The following ABCA1 variants were observed in gnomAD, a reference collection of about 807,000 sequenced individuals.
ABCA1 encodes phospholipid-transporting ATPase ABCA1.
In ABCA1, 133 loss-of-function variants were observed where a neutral mutation model predicts 262.5. The observed-to-expected ratio is 0.51, with a 90% CI of 0.44 to 0.59. ABCA1 has a LOEUF of 0.59. Among genes scored for constraint, ABCA1 ranks in the 20% least tolerant of loss-of-function variants. ABCA1 has a pLI of 0.00. For missense variants in ABCA1, 2,452 were observed against 2,777.5 expected, an observed-to-expected ratio of 0.88 and a Z score of 2.63; for synonymous variants, 1,022 against 1,043.5, an observed-to-expected ratio of 0.98 and a Z score of 0.40.
intron 39 of ABCA1, among the ~76,000 whole-genome samples, chr9:104,795,535 G>A (rs60791648): frequency 0.028 from 4,234 of 152,230 alleles, 204 homozygotes; most frequent in African/African-American, 0.097. Flanking sequence ...AGTGTGACAG[G>A]GATGGCAAGA....
At chr9:104,800,488 T>C in intron 35 of ABCA1, 22 bp downstream of exon 35, 1 of 1,603,198 alleles carries the variant, frequency 6.2e-7, no homozygotes, top group Non-Finnish European at 8.5e-7. Flanking sequence ...AAAAAGCTAC[T>C]AGAACAAAGA....
At chr9:104,907,685 T>G (rs562443446) in intron 1 of ABCA1, among the ~76,000 whole-genome samples, 2 of 152,222 alleles carry the variant, frequency 1.3e-5, no homozygotes, top group South Asian at 2.1e-4. Flanking sequence ...GCTTCCCAGG[T>G]GACTCCTGGG....
At chr9:104,786,762 TTGTTTTAC>T in intron 47 of ABCA1, 103 bp downstream of exon 47, 1 of 1,027,106 alleles carries the variant, frequency 9.7e-7, no homozygotes. Context: ...CAGGTAATAA[TTGTTTTAC>T]TCTTTGCTTT....
chr9:104,822,345 C>T (rs1832437830), intron 19 of ABCA1, 151 bp downstream of exon 19: 3 of 1,068,176 alleles, frequency 2.8e-6, no homozygotes, highest in South Asian at 1.3e-5. Flanking sequence ...GAAAGACACT[C>T]ATGATTAGAT....
chr9:104,790,259 C>T (rs1829312810), intron 44 of ABCA1, among the ~76,000 whole-genome samples: 3 of 152,074 alleles, frequency 2.0e-5, no homozygotes, highest in Admixed American at 2.0e-4. Flanking sequence ...TTTGTATGCT[C>T]TTTAGAGAGG....
chr9:104,792,827 C>G lies in ABCA1; in HGVS notation c.5716G>C (p.Gly1906Arg). ...RRERQRILDG[G>R]GQNDILEIKE... Reference sequence around the variant, plus strand: ...ATTTCTAAGATGTCATTCTGGCCTCCACCATCAAGAATTCTCTGTCTTTCC... The same window carrying G: ...ATTTCTAAGATGTCATTCTGGCCTCGACCATCAAGAATTCTCTGTCTTTCC... The change falls in exon 42 of 50, where the codon GGA becomes CGA. Residue 1906 changes from glycine (G) to arginine (R), a missense_variant. Physicochemically the swap from Gly to Arg is moderately radical, Grantham distance 125. Around this residue, in one of 4 missense-constraint regions of ABCA1, gnomAD observed 752 missense variants for 944.5 expected, o/e 0.80. Transcript: ENST00000374736. 6.2e-7 allele frequency: 1 copy of G among 1,614,140 alleles called. No individual in the cohort carries two copies. The highest frequency in any genetic ancestry group is 8.5e-7 in the Non-Finnish European group (1 of 1,180,018).
rs1554696687 is a variant in ABCA1 at position 104,785,640 on chromosome 9, C to A, written c.6402-1G>T. ...AACTATTGTATAACCATCTCCAAACCTGAAAGCAGGAAAAAATACCCAAAT... is the reference window on the plus strand; with the variant it reads ...AACTATTGTATAACCATCTCCAAACATGAAAGCAGGAAAAAATACCCAAAT... On this transcript the variant is annotated splice_acceptor_variant, in intron 48 of 49. Transcript: ENST00000374736. LOFTEE classifies it high-confidence loss of function. The A allele has an allele frequency of 1.9e-6, 3 of 1,613,892 alleles. No homozygotes were observed. The highest frequency in any genetic ancestry group is 2.5e-6 in the Non-Finnish European group (3 of 1,179,970).
chr9:104,878,175 A>G (rs1838315649), intron 5 of ABCA1, among the ~76,000 whole-genome samples: 1 of 152,188 alleles, frequency 6.6e-6, no homozygotes, highest in South Asian at 2.1e-4. Flanking sequence ...TCTGAGTTGC[A>G]GTCACCATAG....
chr9:104,828,335 T>C (rs950420636), intron 15 of ABCA1, among the ~76,000 whole-genome samples: 1 of 152,142 alleles, frequency 6.6e-6, no homozygotes, highest in Admixed American at 6.5e-5. Flanking sequence ...ATGTTTCAGC[T>C]CGATGAAGAA....
Position 104,786,304 on chromosome 9 carries a change from T to G in ABCA1, c.6395A>C (p.Lys2132Thr), listed in dbSNP as rs773185743. Residue 2132 changes from lysine (K) to threonine (T), a missense_variant, in exon 48 of 50, where the codon AAA becomes ACA. Around this residue, in one of 4 missense-constraint regions of ABCA1, gnomAD observed 752 missense variants for 944.5 expected, o/e 0.80. Transcript: ENST00000374736. The part of the protein sequence containing the change: ...FRCLGSVQHL[K>T]NRFGDGYTIV... ...AAGAAATTATCTTTATTACCTATTT[T>G]TTAGATGCTGGACACTGCCAAGGCA... The G allele has an allele frequency of 1.2e-6, 2 of 1,613,526 alleles. No homozygotes were observed. The highest frequency in any genetic ancestry group is 8.5e-7 in the Non-Finnish European group (1 of 1,179,512).
rs530364958 is a variant in ABCA1 at position 104,784,568 on chromosome 9, A to G, written c.6646-113T>C. 1.2e-4 allele frequency: 146 copies of G among 1,241,416 alleles called. 3 individuals are homozygous for G. The highest frequency in any genetic ancestry group is 1.0e-3 in the South Asian group (80 of 78,784). The allele number at this position is 1,241,416 out of a possible 1,614,324, so 76.9% of individuals were successfully genotyped here. A position where few individuals can be genotyped will look rare whatever the true frequency, so the allele number is the denominator to read the frequency against. On this transcript the variant is annotated intron_variant, in intron 49 of 49. Coordinates refer to ENST00000374736, the MANE Select transcript of ABCA1 (RefSeq NM_005502.4). Reference sequence around the variant, plus strand: ...AGGTCAAGTAGGAGCATACAGAATTACATAAATGGATTAACTAGAAAACTG... The same window carrying G: ...AGGTCAAGTAGGAGCATACAGAATTGCATAAATGGATTAACTAGAAAACTG...
At chr9:104,882,456 A>C (rs3858074) in intron 5 of ABCA1, among the ~76,000 whole-genome samples, 30,571 of 152,202 alleles carry the variant, frequency 0.2, 3,185 homozygotes, top group South Asian at 0.32. Context: ...CCTCAGTCAG[A>C]AAATGCCCAC....
At chr9:104,829,222 C>T (rs1833049248) in intron 14 of ABCA1, 84 bp from the exon 15 acceptor site, 1 of 1,353,914 alleles carries the variant, frequency 7.4e-7, no homozygotes, top group South Asian at 1.2e-5. Flanking sequence ...AGCCTGCATG[C>T]TAGAGGGAGC....
intron 7 of ABCA1, among the ~76,000 whole-genome samples, chr9:104,857,482 G>A (rs114231421): frequency 0.027 from 4,125 of 152,200 alleles, 171 homozygotes; most frequent in African/African-American, 0.083. Flanking sequence ...TCTGCCCGCC[G>A]TGGCATCCGA....
rs758107854 is a variant in ABCA1 at position 104,822,646 on chromosome 9, G to A, written c.2678C>T (p.Thr893Ile). The part of the protein sequence containing the change: ...ISEICMEEEP[T>I]HLKLGVSIQN... ...AATGGACACGCCCAGCTTCAAGTGG[G>A]TGGGTTCCTCCTCCATGCAGACTGT... Residue 893 changes from threonine to isoleucine, a missense_variant, in exon 19 of 50, where the codon ACC (threonine) becomes ATC (isoleucine). This residue lies in a region of ABCA1 where 1,032 missense variants were observed against 1,089.7 expected (regional missense o/e 0.95). Transcript: ENST00000374736. The A allele has an allele frequency of 3.1e-5, 50 of 1,613,998 alleles. 1 individual carries two copies. The Admixed American group carries it at 8.2e-4, about 26-fold the overall frequency.
chr9:104,855,040 A>G lies in ABCA1; in HGVS notation c.720+3482T>C, dbSNP rs989282620. ...AACAGCGTTCTGACATCCAGTATTA[A>G]TTTTCACACAAGGTACGGACTGAGA... On this transcript the variant is annotated intron_variant, in intron 7 of 49. Coordinates refer to ENST00000374736, the MANE Select transcript of ABCA1 (RefSeq NM_005502.4). 5.1e-6 allele frequency: 3 copies of G among 590,052 alleles called. No individual in the cohort carries two copies. The African/African-American group carries it at 6.2e-5, about 12-fold the overall frequency. 36.6% of individuals were successfully genotyped at this position (590,052 alleles called of 1,614,324 possible).
chr9:104,873,344 G>A (rs1837803826), intron 5 of ABCA1, among the ~76,000 whole-genome samples: 1 of 152,204 alleles, frequency 6.6e-6, no homozygotes, highest in African/African-American at 2.4e-5. Context: ...TGCCTGAATG[G>A]GTGAGGGGGT....
chr9:104,914,054 CT>C (rs1293179238), intron 1 of ABCA1, among the ~76,000 whole-genome samples: 1 of 151,930 alleles, frequency 6.6e-6, no homozygotes, highest in African/African-American at 2.4e-5. Context: ...CCGCCTCAGC[CT>C]CCCAAAGTGC....
chr9:104,887,098 CA>C (rs1306291711), intron 3 of ABCA1, among the ~76,000 whole-genome samples: 1 of 151,996 alleles, frequency 6.6e-6, no homozygotes, highest in African/African-American at 2.4e-5. Context: ...GTCAACATGG[CA>C]AAACCCTGTC....
Sources: allele counts gnomAD v4.1 joint callset (sites outside exome capture counted in the v4.1 genomes callset), GRCh38; gene constraint gnomAD v4.1.1; regional missense constraint gnomAD v4.1.1; transcripts MANE v1.5; gene names NCBI Gene and HGNC (gene_info 2026-07-23, HGNC 2026-07-21).